Variants in SMYD3 observed in about 807,000 individuals in gnomAD.
SMYD3 encodes the protein histone-lysine N-methyltransferase SMYD3.
SMYD3 carries 36 observed loss-of-function variants against 57.7 expected under a neutral mutation model. The observed-to-expected ratio is 0.62, with a 90% CI of 0.48 to 0.82. The LOEUF is 0.82. Ranked by LOEUF, SMYD3 falls within the 40% of genes least tolerant of loss-of-function variation. The pLI is 0.00. For synonymous variants in SMYD3, 211 were observed against 195.0 expected (o/e 1.08, Z -0.68); for missense variants, 515 against 538.8 (o/e 0.96, Z 0.44).
intron 5 of SMYD3, among the ~76,000 whole-genome samples, chr1:246,068,713 A>C (rs1208391792): frequency 6.6e-6 from 1 of 152,240 alleles, no homozygotes. Flanking sequence ...ACTAATAAAA[A>C]CCACAATAAA....
intron 5 of SMYD3, among the ~76,000 whole-genome samples, chr1:246,145,448 A>G (rs1432328167): frequency 6.6e-6 from 1 of 152,216 alleles, no homozygotes; most frequent in Non-Finnish European, 1.5e-5. Flanking sequence ...TAGACAATTA[A>G]AAGGCAATAT....
intron 5 of SMYD3, among the ~76,000 whole-genome samples, chr1:246,152,661 T>A (rs2061959503): frequency 6.6e-6 from 1 of 152,234 alleles, no homozygotes; most frequent in Admixed American, 6.5e-5. Context: ...GGCTTTTGAA[T>A]GAAAGCAAAT....
chr1:246,148,944 C>T (rs778546438), intron 5 of SMYD3, among the ~76,000 whole-genome samples: 3 of 152,186 alleles, frequency 2.0e-5, no homozygotes, highest in Non-Finnish European at 4.4e-5. Flanking sequence ...AGGTGAGTGG[C>T]AGGAAAACCC....
At chr1:245,954,802 G>A (rs1194335190) in intron 5 of SMYD3, among the ~76,000 whole-genome samples, 1 of 152,132 alleles carries the variant, frequency 6.6e-6, no homozygotes, top group Non-Finnish European at 1.5e-5. Context: ...TTTGTCTCCT[G>A]TATTCATTAT....
chr1:246,199,100 T>A (rs886390742), intron 5 of SMYD3, among the ~76,000 whole-genome samples: 1 of 151,246 alleles, frequency 6.6e-6, no homozygotes, highest in Non-Finnish European at 1.5e-5. Flanking sequence ...CAATGGGTAG[T>A]TTTTCAGCCC....
intron 5 of SMYD3, among the ~76,000 whole-genome samples, chr1:246,141,263 CTG>C (rs2061751013): frequency 6.6e-6 from 1 of 152,198 alleles, no homozygotes; most frequent in Admixed American, 6.5e-5. Context: ...CTGAACTCAG[CTG>C]TCACTGTATA....
chr1:246,363,174 C>G (rs1227159946), intron 1 of SMYD3, among the ~76,000 whole-genome samples: 6 of 145,056 alleles, frequency 4.1e-5, no homozygotes, highest in Admixed American at 1.4e-4. Flanking sequence ...AGTGAGGAGC[C>G]CCTCCGCCCG....
intron 1 of SMYD3, among the ~76,000 whole-genome samples, chr1:246,494,698 G>A (rs953326977): frequency 1.3e-5 from 2 of 152,140 alleles, no homozygotes; most frequent in Admixed American, 6.5e-5. Context: ...CTAACAAGAC[G>A]TAAACACAGC....
rs139111158 is a variant in SMYD3, at chr1:245,882,382, C to T, written c.814-18496G>A. ...AAATCCCCCATATATCTTATGTATTCGCAGCTCCCTAAGTCATCAAACCTT... is the reference window on the plus strand; with the variant it reads ...AAATCCCCCATATATCTTATGTATTTGCAGCTCCCTAAGTCATCAAACCTT... On this transcript the variant is annotated intron_variant, in intron 8 of 11. Transcript: ENST00000490107. 1.4e-3 allele frequency among the ~76,000 whole-genome samples: 215 copies of T among 152,268 alleles called. 2 individuals are homozygous for T. The highest frequency in any genetic ancestry group is 2.7e-3 in the Non-Finnish European group (185 of 68,030).
chr1:246,218,787 G>T (rs2063207350), intron 5 of SMYD3, among the ~76,000 whole-genome samples: 1 of 152,112 alleles, frequency 6.6e-6, no homozygotes, highest in African/African-American at 2.4e-5. Flanking sequence ...GGGTATCTTA[G>T]CCAAAAGCCT....
intron 5 of SMYD3, among the ~76,000 whole-genome samples, chr1:246,072,345 A>T (rs112832432): frequency 2.3e-4 from 29 of 128,624 alleles, no homozygotes; most frequent in South Asian, 8.0e-4. Context: ...CTGTCGCTGC[A>T]TCGTGTTAGT....
chr1:246,146,497 C>T (rs2061844758), intron 5 of SMYD3, among the ~76,000 whole-genome samples: 1 of 152,218 alleles, frequency 6.6e-6, no homozygotes, highest in Non-Finnish European at 1.5e-5. Context: ...ACCCATCCTT[C>T]CTTCAGCAGT....
At chr1:245,995,537 T>C (rs1438254168) in intron 5 of SMYD3, among the ~76,000 whole-genome samples, 1 of 152,258 alleles carries the variant, frequency 6.6e-6, no homozygotes, top group Non-Finnish European at 1.5e-5. Context: ...AGATATCAAT[T>C]TGTGCTCTTC....
At chr1:246,213,562 G>A (rs1445908073) in intron 5 of SMYD3, among the ~76,000 whole-genome samples, 1 of 152,168 alleles carries the variant, frequency 6.6e-6, no homozygotes, top group East Asian at 1.9e-4. Flanking sequence ...ACCCAAGTTT[G>A]CTAGAACAAG....
At chr1:246,272,491 G>T (rs531626173) in intron 5 of SMYD3, among the ~76,000 whole-genome samples, 1 of 152,122 alleles carries the variant, frequency 6.6e-6, no homozygotes, top group Non-Finnish European at 1.5e-5. Context: ...TCATGAAAGG[G>T]TATTGAATTT....
At chr1:246,311,327 G>A (rs557466291) in intron 5 of SMYD3, among the ~76,000 whole-genome samples, 21 of 152,198 alleles carry the variant, frequency 1.4e-4, no homozygotes, top group Middle Eastern at 3.4e-3. Flanking sequence ...CTGATACAAG[G>A]AAAATATTTT....
chr1:246,083,622 C>A (rs1182049047), intron 5 of SMYD3, among the ~76,000 whole-genome samples: 1 of 152,188 alleles, frequency 6.6e-6, no homozygotes, highest in African/African-American at 2.4e-5. Context: ...TGTGGAGGGG[C>A]AGGCCACCCC....
chr1:246,194,509 C>T (rs911709173), intron 5 of SMYD3, among the ~76,000 whole-genome samples: 5 of 152,236 alleles, frequency 3.3e-5, no homozygotes, highest in East Asian at 1.9e-4. Flanking sequence ...CCTCGTGTTC[C>T]GCCTGCTTAG....
At chr1:245,997,284 T>C (rs2058949655) in intron 5 of SMYD3, among the ~76,000 whole-genome samples, 1 of 152,190 alleles carries the variant, frequency 6.6e-6, no homozygotes, top group Non-Finnish European at 1.5e-5. Context: ...ACAGGGGGGA[T>C]GTCAACTGGG....
Sources: gnomAD v4.1 joint callset for allele counts (sites outside exome capture counted in the v4.1 genomes callset) on GRCh38, gnomAD v4.1.1 for gene constraint, MANE v1.5 for transcripts, NCBI Gene and HGNC (gene_info 2026-07-23, HGNC 2026-07-21) for gene names.